Variants in PATJ observed in about 807,000 individuals in gnomAD.
PATJ encodes the protein PATJ crumbs cell polarity complex component.
Under a neutral mutation model 224.9 loss-of-function variants are expected in PATJ, and 190 were observed. The ratio of observed to expected loss-of-function variants is 0.84; its 90% confidence interval spans 0.75 to 0.95. PATJ has a LOEUF of 0.95. PATJ is among the 40% of genes least tolerant of loss of function. The pLI is 0.00. For missense variants in PATJ, 2,121 were observed against 2,270.3 expected (o/e 0.93, Z 1.34); for synonymous variants, 769 against 820.3 (o/e 0.94, Z 1.07).
chr1:62,126,574 G>T (rs910598529), intron 39 of PATJ, among the ~76,000 whole-genome samples: 1 of 152,126 alleles, frequency 6.6e-6, no homozygotes, highest in Non-Finnish European at 1.5e-5. Context: ...GAAAAAACTG[G>T]ACTAGAGCCA....
In PATJ at chr1:62,038,977, C is replaced by G. The variant is rs894364992; in HGVS notation, c.4032+928C>G. Reference sequence around the variant, plus strand: ...TGAGCATGCTGGAGTGATATCTGTTCTAGCCCAACAAGCAGCTGAGCTAAC... The same window carrying G: ...TGAGCATGCTGGAGTGATATCTGTTGTAGCCCAACAAGCAGCTGAGCTAAC... On this transcript the variant is annotated intron_variant, in intron 30 of 43. Transcript: ENST00000642238. 5.1e-6 allele frequency: 7 copies of G among 1,374,914 alleles called. No homozygotes were observed. In the Admixed American group the frequency reaches 6.8e-5, roughly 13 times the overall value. The allele number at this position is 1,374,914 out of a possible 1,614,324, so 85.2% of individuals were successfully genotyped here.
chr1:61,798,318 T>C (rs1205039776), intron 11 of PATJ, among the ~76,000 whole-genome samples: 3 of 152,042 alleles, frequency 2.0e-5, no homozygotes, highest in Non-Finnish European at 2.9e-5. Context: ...CTCAGCCTCC[T>C]GAGTAGCTGG....
intron 28 of PATJ, among the ~76,000 whole-genome samples, chr1:62,000,193 G>GTTT (rs776217887): frequency 0.034 from 5,015 of 147,674 alleles, 306 homozygotes; most frequent in African/African-American, 0.12. Context: ...CCAGCCTAGA[G>GTTT]TTTTTTGTTT....
chr1:61,924,909 T>C (rs572457530), intron 26 of PATJ, among the ~76,000 whole-genome samples: 5 of 151,926 alleles, frequency 3.3e-5, no homozygotes, highest in African/African-American at 1.2e-4. Context: ...AGACATGTTC[T>C]TGTACAAAAA....
intron 31 of PATJ, among the ~76,000 whole-genome samples, chr1:62,068,311 T>G (rs1462344330): frequency 6.6e-6 from 1 of 151,932 alleles, no homozygotes; most frequent in Non-Finnish European, 1.5e-5. Context: ...GGGCTAGAGG[T>G]TTGTTTGTTT....
At chr1:61,992,248 G>A (rs1645110237) in intron 28 of PATJ, among the ~76,000 whole-genome samples, 1 of 151,798 alleles carries the variant, frequency 6.6e-6, no homozygotes, top group Non-Finnish European at 1.5e-5. Flanking sequence ...CTCCCGAGTA[G>A]CCAGGATTAC....
At chr1:61,874,845 A>G (rs1454918775) in intron 20 of PATJ, among the ~76,000 whole-genome samples, 2 of 152,238 alleles carry the variant, frequency 1.3e-5, no homozygotes, top group Non-Finnish European at 2.9e-5. Context: ...AAAATTTATC[A>G]CATATTTTGG....
intron 1 of PATJ, among the ~76,000 whole-genome samples, chr1:61,752,314 T>TC (rs71050151): frequency 0.1 from 14,581 of 143,262 alleles, 824 homozygotes; most frequent in Non-Finnish European, 0.13. Flanking sequence ...TTTCTTTCTT[T>TC]TTTTTTTTTT....
intron 27 of PATJ, among the ~76,000 whole-genome samples, chr1:61,946,971 T>C (rs954901814): frequency 1.3e-5 from 2 of 152,148 alleles, no homozygotes; most frequent in Non-Finnish European, 2.9e-5. Context: ...AAAAACCACA[T>C]GATTATCTCA....
chr1:61,984,019 C>T (rs115897872), intron 27 of PATJ, among the ~76,000 whole-genome samples: 1,642 of 151,914 alleles, frequency 0.011, 20 homozygotes, highest in Middle Eastern at 0.041. Flanking sequence ...GAGATGGAGT[C>T]TTGCTATATT....
intron 9 of PATJ, among the ~76,000 whole-genome samples, 179 bp from the exon 10 acceptor site, chr1:61,795,288 C>G (rs935640051): frequency 6.6e-6 from 1 of 152,008 alleles, no homozygotes; most frequent in Admixed American, 6.6e-5. Flanking sequence ...ATTTCAAATT[C>G]AGGTCACTTG....
chr1:61,851,087 G>T (rs560371985), intron 17 of PATJ, among the ~76,000 whole-genome samples: 1 of 152,240 alleles, frequency 6.6e-6, no homozygotes, highest in African/African-American at 2.4e-5. Context: ...CACATTCTTG[G>T]TCTCATAAAG....
At chr1:62,136,689 G>C (rs12758363) in intron 41 of PATJ, among the ~76,000 whole-genome samples, 13 of 144,666 alleles carry the variant, frequency 9.0e-5, no homozygotes, top group East Asian at 2.1e-4. Context: ...GTGTGTGTGT[G>C]TGTCTGTGTG....
chr1:61,890,859 T>C (rs1669510788), intron 22 of PATJ, among the ~76,000 whole-genome samples: 2 of 152,086 alleles, frequency 1.3e-5, no homozygotes, highest in Admixed American at 6.6e-5. Flanking sequence ...TAAAAGTCAA[T>C]AAAGCTGGGA....
At chr1:62,083,761 C>A (rs1387033215) in intron 32 of PATJ, among the ~76,000 whole-genome samples, 2 of 152,058 alleles carry the variant, frequency 1.3e-5, no homozygotes, top group African/African-American at 4.8e-5. Context: ...TGATTAAATT[C>A]TTTATACATC....
Position 62,106,158 on chromosome 1 carries a change from GTATATATATATA to G in PATJ, c.4378-2261_4378-2250del, listed in dbSNP as rs61653676. On this transcript the variant is annotated intron_variant, in intron 33 of 43. Transcript: ENST00000642238. ...TACATGTGTATATGTGTGTGTGTGT[GTATATATATATA>G]TATATATATATATATATGGCTGGGC... Among the ~76,000 whole-genome samples, 26 of 48,066 alleles carry G rather than the reference GTATATATATATA, an allele frequency of 5.4e-4. 3 individuals carry two copies. The highest frequency in any genetic ancestry group is 1.3e-3 in the Admixed American group (5 of 3,806). The allele number at this position is 48,066 out of a possible 152,430, so 31.5% of individuals were successfully genotyped here. A position where few individuals can be genotyped will look rare whatever the true frequency, so the allele number is the denominator to read the frequency against.
rs761479413 is a variant in PATJ, at chr1:62,117,171, C to T, written c.4843C>T (p.Arg1615Ter). The T allele has an allele frequency of 1.1e-5, 17 of 1,613,962 alleles. No homozygotes were observed. Among genetic ancestry groups the T allele is most frequent in the East Asian group, 2.2e-5 (1 of 44,892 alleles). ...GLVQLEIGRL[R>*]AGSWTSARTT... ...TGTGCAGCTAGAGATTGGAAGACTC[C>T]GAGCTGGTTCCTGGACCTCCGCAAG... The change falls in exon 37 of 44, where the codon CGA becomes TGA. Residue 1615 changes from arginine to a stop codon, truncating the protein, a stop_gained. Transcript: ENST00000642238. LOFTEE classifies it high-confidence loss of function.
chr1:61,823,137 T>A (rs1224970120), intron 15 of PATJ, 58 bp downstream of exon 15: 22 of 1,562,320 alleles, frequency 1.4e-5, no homozygotes, highest in Non-Finnish European at 1.5e-5. Flanking sequence ...TAGGAAAACG[T>A]GTTCTCATCA....
At position 62,086,228 on chromosome 1, in the gene PATJ, A is replaced by ATGTGTGTGTGTGTGTG. The variant is rs145837024; in HGVS notation, c.4377+1595_4377+1596insGTGTGTGTGTGTGTGT. ...TACTCAAGATGTGATTAATTAATGC[A>ATGTGTGTGTGTGTGTG]TGTGTGTGTGTGTGTATGTGTGTGT... is the stretch of plus-strand genomic sequence containing the variant. On this transcript the variant is annotated intron_variant, in intron 33 of 43. Transcript: ENST00000642238. The surrounding 1 kb of genome is among the most constrained non-coding windows in gnomAD (Gnocchi z 4.0). 1.8e-3 allele frequency among the ~76,000 whole-genome samples: 265 copies of ATGTGTGTGTGTGTGTG among 150,336 alleles called. 1 individual carries two copies. Among genetic ancestry groups the ATGTGTGTGTGTGTGTG allele is most frequent in the African/African-American group, 6.3e-3 (255 of 40,314 alleles).
Sources: gnomAD v4.1 joint callset for allele counts (sites outside exome capture counted in the v4.1 genomes callset) on GRCh38, gnomAD v4.1.1 for gene constraint, Gnocchi (gnomAD v3.1) non-coding constraint, MANE v1.5 for transcripts, NCBI Gene and HGNC (gene_info 2026-07-23, HGNC 2026-07-21) for gene names.